RGS7: variants seen among roughly 807,000 people sequenced by gnomAD.
RGS7 encodes regulator of G protein signaling 7, also known as regulator of G-protein signaling 7.
In RGS7, 27 loss-of-function variants were observed where a neutral mutation model predicts 81.1. The ratio of observed to expected loss-of-function variants is 0.33; its 90% CI spans 0.25 to 0.46. RGS7 has a LOEUF of 0.46. Among genes scored for constraint, RGS7 ranks in the 20% least tolerant of loss-of-function variants. The pLI is 1.00. For synonymous variants in RGS7, 208 were observed against 207.7 expected (o/e 1.00, Z -0.01); for missense variants, 396 against 607.4 (o/e 0.65, Z 3.66).
At chr1:241,024,579 C>A (rs1360634871) in intron 3 of RGS7, among the ~76,000 whole-genome samples, 1 of 152,132 alleles carries the variant, frequency 6.6e-6, no homozygotes, top group Non-Finnish European at 1.5e-5. Flanking sequence ...TGTGAATTGA[C>A]TCTTTTAAAG....
chr1:241,355,892 C>G, intron 1 of RGS7, 66 bp from the exon 2 acceptor site: 1 of 832,470 alleles, frequency 1.2e-6, no homozygotes, highest in Non-Finnish European at 2.1e-6. Flanking sequence ...CATCATCATT[C>G]ACAGCACCCA....
chr1:240,775,387 A>G (rs186121853), downstream of RGS7: 3 of 152,354 alleles, frequency 2.0e-5, no homozygotes, highest in Admixed American at 1.3e-4. Context: ...GTACTATCCA[A>G]GCTTGTCTTG....
chr1:240,828,246 G>A (rs78025572), intron 9 of RGS7, among the ~76,000 whole-genome samples: 4,711 of 152,090 alleles, frequency 0.031, 88 homozygotes, highest in African/African-American at 0.05. Context: ...TTGTTCTGTT[G>A]TACAGAAACA....
intron 18 of RGS7, among the ~76,000 whole-genome samples, chr1:240,776,647 T>G (rs1230428646): frequency 6.6e-6 from 1 of 152,182 alleles, no homozygotes; most frequent in Admixed American, 6.5e-5. Context: ...TGGCTGAAAT[T>G]AATGTCACAT....
intron 18 of RGS7, among the ~76,000 whole-genome samples, chr1:240,796,484 A>G (rs1014058856): frequency 2.0e-5 from 3 of 152,072 alleles, no homozygotes; most frequent in African/African-American, 7.2e-5. Flanking sequence ...TCAGGAGTCC[A>G]AGACCAGCCT....
At chr1:240,936,217 T>A (rs1259355530) in intron 5 of RGS7, among the ~76,000 whole-genome samples, 1 of 152,230 alleles carries the variant, frequency 6.6e-6, no homozygotes, top group Non-Finnish European at 1.5e-5. Flanking sequence ...GAATCCTATC[T>A]GGAGTTTCAA....
At chr1:241,227,148 A>G (rs2075354409) in intron 2 of RGS7, among the ~76,000 whole-genome samples, 1 of 152,186 alleles carries the variant, frequency 6.6e-6, no homozygotes, top group Non-Finnish European at 1.5e-5. Context: ...CCATAGCAAA[A>G]TAAGACCCTT....
At chr1:241,345,729 A>AAAAATTTAAT (rs1284340536) in intron 2 of RGS7, among the ~76,000 whole-genome samples, 18 of 152,266 alleles carry the variant, frequency 1.2e-4, no homozygotes, top group Non-Finnish European at 2.4e-4. Context: ...AATCACAATA[A>AAAAATTTAAT]AAAATTTAAT....
rs559656455 is a variant in RGS7, at chr1:241,249,779, A to T, written c.78+105920T>A. ...AGTGAACAAGGAAATATACACAAGGATGCTTCTAGTACTGCTGCTTGTAAC... is the reference window on the plus strand; with the variant it reads ...AGTGAACAAGGAAATATACACAAGGTTGCTTCTAGTACTGCTGCTTGTAAC... On this transcript the variant is annotated intron_variant, in intron 2 of 18. Transcript: ENST00000440928. 1.2e-4 allele frequency among the ~76,000 whole-genome samples: 19 copies of T among 152,282 alleles called. 1 individual carries two copies. In the East Asian group the frequency reaches 3.1e-3, roughly 25 times the overall value.
intron 9 of RGS7, among the ~76,000 whole-genome samples, chr1:240,860,682 A>G (rs1375512137): frequency 6.6e-6 from 1 of 152,190 alleles, no homozygotes; most frequent in Admixed American, 6.5e-5. Context: ...GGCAAGATAG[A>G]AGAAAGACAA....
At chr1:241,043,527 C>T (rs12060948) in intron 3 of RGS7, among the ~76,000 whole-genome samples, 10,439 of 147,258 alleles carry the variant, frequency 0.071, 562 homozygotes, top group African/African-American at 0.14. Context: ...GATATTAATA[C>T]ATATATAGAT....
intron 11 of RGS7, among the ~76,000 whole-genome samples, chr1:240,815,656 C>T (rs1690682194): frequency 6.6e-6 from 1 of 152,038 alleles, no homozygotes; most frequent in African/African-American, 2.4e-5. Flanking sequence ...TCTTGATAAA[C>T]TATATTATAA....
At chr1:241,100,374 CAAAAAAA>C (rs753787286) in intron 2 of RGS7, among the ~76,000 whole-genome samples, 287 of 80,494 alleles carry the variant, frequency 3.6e-3, no homozygotes, top group African/African-American at 6.9e-3. Context: ...GACTCCATTT[CAAAAAAA>C]AAAAAAAAAA....
At chr1:241,248,520 G>A (rs1407668115) in intron 2 of RGS7, among the ~76,000 whole-genome samples, 3 of 151,430 alleles carry the variant, frequency 2.0e-5, no homozygotes, top group Non-Finnish European at 4.4e-5. Context: ...CATCTTGCTG[G>A]CTTTTTTAAT....
At chr1:241,118,288 C>A (rs143439425) in intron 2 of RGS7, among the ~76,000 whole-genome samples, 1 of 152,192 alleles carries the variant, frequency 6.6e-6, no homozygotes, top group South Asian at 2.1e-4. Context: ...TTAAACAAAC[C>A]AACCAATCAC....
rs574959056 is a variant in RGS7 at position 240,828,638 on chromosome 1, T to A, written c.610-1466A>T. On this transcript the variant is annotated intron_variant, in intron 9 of 18. Coordinates refer to ENST00000440928, the MANE Select transcript of RGS7 (RefSeq NM_001364886.1). The stretch of plus-strand genomic sequence containing the variant: ...CCCATCTCTACTGAAAATACAAAAA[T>A]TAGCAGGACATGGTGGCAGGCGCCT... 4.6e-5 allele frequency among the ~76,000 whole-genome samples: 7 copies of A among 152,244 alleles called. No individual in the cohort carries two copies. The East Asian group carries it at 1.4e-3, about 29-fold the overall frequency.
chr1:240,824,131 C>A (rs1018268896), intron 10 of RGS7, among the ~76,000 whole-genome samples: 2 of 152,176 alleles, frequency 1.3e-5, no homozygotes, highest in East Asian at 3.9e-4. Flanking sequence ...AAAGCCTTCG[C>A]TTCCTATATT....
chr1:240,897,488 T>C (rs1669282576), intron 6 of RGS7, among the ~76,000 whole-genome samples: 1 of 152,230 alleles, frequency 6.6e-6, no homozygotes, highest in Non-Finnish European at 1.5e-5. Flanking sequence ...ATTTTTAGCA[T>C]GAAGTGCCGC....
intron 3 of RGS7, among the ~76,000 whole-genome samples, chr1:241,076,182 G>T (rs1417878326): frequency 6.6e-6 from 1 of 151,990 alleles, no homozygotes; most frequent in Non-Finnish European, 1.5e-5. Flanking sequence ...TATTCTCTTT[G>T]ATTCAGGTTT....
Sources: gnomAD v4.1 joint callset for allele counts (sites outside exome capture counted in the v4.1 genomes callset) on GRCh38, gnomAD v4.1.1 for gene constraint, MANE v1.5 for transcripts, NCBI Gene and HGNC (gene_info 2026-07-23, HGNC 2026-07-21) for gene names.